Variants in CSMD3 observed in about 807,000 individuals in gnomAD.
CSMD3 encodes the protein CUB and sushi domain-containing protein 3.
Under a neutral mutation model 435.2 loss-of-function variants are expected in CSMD3, and 177 were observed. That is an observed-to-expected ratio of 0.41 (90% CI 0.36 to 0.46). The LOEUF (loss-of-function observed/expected upper bound fraction) is 0.46. Ranked by LOEUF, CSMD3 falls within the 20% of genes least tolerant of loss-of-function variation. The pLI is 0.34. For synonymous variants in CSMD3, 1,656 were observed against 1,520.5 expected (o/e 1.09, Z -2.07); for missense variants, 4,265 against 4,504.6 (o/e 0.95, Z 1.52).
intron 10 of CSMD3, among the ~76,000 whole-genome samples, chr8:112,918,609 G>A (rs1007046405): frequency 1.3e-5 from 2 of 151,714 alleles, no homozygotes; most frequent in Non-Finnish European, 2.9e-5. Flanking sequence ...CCAGCTTTTG[G>A]ATATCTACTG....
intron 22 of CSMD3, among the ~76,000 whole-genome samples, chr8:112,633,094 C>G (rs1047496345): frequency 2.0e-5 from 3 of 151,994 alleles, no homozygotes; most frequent in African/African-American, 7.2e-5. Flanking sequence ...GAGTGCTTAT[C>G]TACTAATAGT....
At chr8:113,106,665 G>A (rs1477016555) in intron 4 of CSMD3, among the ~76,000 whole-genome samples, 4 of 152,128 alleles carry the variant, frequency 2.6e-5, no homozygotes, top group Non-Finnish European at 4.4e-5. Context: ...GCTGAGATCC[G>A]AAATTCATGT....
rs71309787 is a variant in CSMD3 at position 112,747,183 on chromosome 8, C to CTTTTTTTTTTTTTTTTTTTTTTTT, written c.1972+52955_1972+52978dup. On this transcript the variant is annotated intron_variant, in intron 13 of 70. Transcript: ENST00000297405. Reference sequence around the variant, plus strand: ...TATGATTATTTGTCTGCACACTTCCCTTTTTTTTTTTTTTTTTTTTTTTTT... The same window carrying CTTTTTTTTTTTTTTTTTTTTTTTT: ...TATGATTATTTGTCTGCACACTTCCCTTTTTTTTTTTTTTTTTTTTTTTTTTTTTTTTTTTTTTTTTTTTTTTTT... 7.4e-5 allele frequency among the ~76,000 whole-genome samples: 2 copies of CTTTTTTTTTTTTTTTTTTTTTTTT among 26,952 alleles called. 1 individual carries two copies. The highest frequency in any genetic ancestry group is 1.2e-4 in the Non-Finnish European group (2 of 17,206). 17.7% of individuals were successfully genotyped at this position (26,952 alleles called of 152,430 possible).
intron 1 of CSMD3, among the ~76,000 whole-genome samples, chr8:113,320,263 C>T (rs1205237764): frequency 6.6e-6 from 1 of 151,824 alleles, no homozygotes; most frequent in Non-Finnish European, 1.5e-5. Flanking sequence ...TTTTTCAGAC[C>T]TTATCTTTTA....
chr8:112,614,348 A>G (rs527786834), intron 22 of CSMD3, among the ~76,000 whole-genome samples: 6 of 152,214 alleles, frequency 3.9e-5, no homozygotes, highest in African/African-American at 1.2e-4. Flanking sequence ...TAGGATCACT[A>G]TATGTTTGTC....
chr8:113,149,436 T>C (rs1462248807), intron 4 of CSMD3, among the ~76,000 whole-genome samples: 4 of 151,894 alleles, frequency 2.6e-5, no homozygotes, highest in Admixed American at 2.0e-4. Context: ...TGTGGAAAAA[T>C]TCAAAATCTC....
intron 3 of CSMD3, among the ~76,000 whole-genome samples, chr8:113,249,033 A>T (rs2093308942): frequency 6.6e-6 from 1 of 152,118 alleles, no homozygotes; most frequent in Non-Finnish European, 1.5e-5. Context: ...AGATAGACAT[A>T]AATGAGTCAT....
chr8:112,740,041 C>G (rs1196406715), intron 13 of CSMD3, among the ~76,000 whole-genome samples: 2 of 151,656 alleles, frequency 1.3e-5, no homozygotes, highest in African/African-American at 4.8e-5. Flanking sequence ...ACAGAGAATT[C>G]CTTGGAAGGA....
chr8:113,004,500 G>A (rs961153471), intron 6 of CSMD3, among the ~76,000 whole-genome samples: 7 of 151,910 alleles, frequency 4.6e-5, no homozygotes. Flanking sequence ...TTAAAATGTT[G>A]TATCCTTTAT....
intron 27 of CSMD3, among the ~76,000 whole-genome samples, chr8:112,518,327 T>C (rs1823896709): frequency 6.6e-6 from 1 of 151,174 alleles, no homozygotes; most frequent in African/African-American, 2.4e-5. Context: ...TAAGTGAGAC[T>C]CTGTCTCTAG....
intron 10 of CSMD3, among the ~76,000 whole-genome samples, chr8:112,906,160 C>G (rs954472537): frequency 2.0e-5 from 3 of 151,460 alleles, no homozygotes; most frequent in Admixed American, 1.3e-4. Context: ...GACACCGAAT[C>G]TATGGCTATT....
In CSMD3 at chr8:112,421,371, C is replaced by T. The variant is rs146280616; in HGVS notation, c.5396-12339G>A. On this transcript the variant is annotated intron_variant, in intron 32 of 70. Transcript: ENST00000297405. Reference sequence around the variant, plus strand: ...CAGCCTGGCCAACATGATGAAACCCCATCTCTACTAAAAATACAAAAAATT... The same window carrying T: ...CAGCCTGGCCAACATGATGAAACCCTATCTCTACTAAAAATACAAAAAATT... Among the ~76,000 whole-genome samples the T allele has an allele frequency of 6.7e-3, 1,019 of 151,656 alleles. 13 individuals are homozygous for T. Among genetic ancestry groups the T allele is most frequent in the African/African-American group, 0.023 (958 of 41,330 alleles).
intron 32 of CSMD3, among the ~76,000 whole-genome samples, chr8:112,413,824 C>T (rs1040281702): frequency 6.6e-6 from 1 of 152,202 alleles, no homozygotes; most frequent in East Asian, 1.9e-4. Flanking sequence ...GAATCCTCTT[C>T]CCAACTAGGC....
intron 3 of CSMD3, among the ~76,000 whole-genome samples, chr8:113,221,530 T>A (rs1240720147): frequency 6.6e-6 from 1 of 151,354 alleles, no homozygotes; most frequent in East Asian, 1.9e-4. Flanking sequence ...AAAAATTTAA[T>A]ATAAAGCAAA....
At chr8:112,409,952 C>T (rs1266723806) in intron 32 of CSMD3, among the ~76,000 whole-genome samples, 1 of 151,588 alleles carries the variant, frequency 6.6e-6, no homozygotes. Flanking sequence ...TTAATAATGC[C>T]AAAGCAAGGT....
intron 1 of CSMD3, among the ~76,000 whole-genome samples, chr8:113,401,570 T>G (rs1403578771): frequency 6.6e-6 from 1 of 151,644 alleles, no homozygotes; most frequent in Non-Finnish European, 1.5e-5. Flanking sequence ...TTTTTTATAG[T>G]TTCTGTATTT....
intron 12 of CSMD3, among the ~76,000 whole-genome samples, chr8:112,815,943 T>C (rs946681479): frequency 2.0e-5 from 3 of 152,136 alleles, no homozygotes; most frequent in Non-Finnish European, 2.9e-5. Context: ...TATTGCCCTA[T>C]AGCAGATCAT....
intron 22 of CSMD3, among the ~76,000 whole-genome samples, chr8:112,603,516 T>C (rs760426902): frequency 1.2e-4 from 18 of 152,222 alleles, no homozygotes; most frequent in Non-Finnish European, 2.4e-4. Flanking sequence ...TGATTTTATA[T>C]GGCATCTTTA....
chr8:112,762,532 G>A (rs1371531371), intron 13 of CSMD3, among the ~76,000 whole-genome samples: 1 of 151,624 alleles, frequency 6.6e-6, no homozygotes, highest in Non-Finnish European at 1.5e-5. Context: ...TATTTTCTTG[G>A]TAAACACACT....
Sources: gnomAD v4.1 joint callset for allele counts (sites outside exome capture counted in the v4.1 genomes callset) on GRCh38, gnomAD v4.1.1 for gene constraint, MANE v1.5 for transcripts, NCBI Gene and HGNC (gene_info 2026-07-23, HGNC 2026-07-21) for gene names.